Variants in MS4A10 observed in about 807,000 individuals in gnomAD.
The protein encoded by MS4A10 is membrane-spanning 4-domains subfamily A member 10.
A neutral mutation model predicts 27.7 loss-of-function variants in MS4A10; 27 were observed. The ratio of observed to expected loss-of-function variants is 0.98; its 90% CI spans 0.72 to 1.35. The LOEUF (loss-of-function observed/expected upper bound fraction) is 1.35. Among genes scored for constraint, MS4A10 ranks in the 40% most tolerant of loss-of-function variants. MS4A10 has a pLI of 0.00. For missense variants in MS4A10, 338 were observed against 324.7 expected (o/e 1.04, Z -0.32); for synonymous variants, 139 against 131.2 (o/e 1.06, Z -0.41).
At chr11:60,791,190 G>A (rs1325582390) in intron 3 of MS4A10, 97 bp downstream of exon 3, 8 of 1,488,600 alleles carry the variant, frequency 5.4e-6, no homozygotes, top group Non-Finnish European at 9.1e-7. Flanking sequence ...GGGATAGAGA[G>A]AGCTAATAGG....
chr11:60,790,113 G>C (rs949931669), intron 1 of MS4A10, among the ~76,000 whole-genome samples: 6 of 152,104 alleles, frequency 3.9e-5, no homozygotes, highest in Non-Finnish European at 8.8e-5. Context: ...CCCCAGAAAG[G>C]CTGTGAGCAG....
Position 60,795,641 on chromosome 11 carries a change from G to A in MS4A10, c.579G>A (p.Trp193Ter), listed in dbSNP as rs1854515769. 2.5e-6 allele frequency: 4 copies of A among 1,590,666 alleles called. No homozygotes were observed. The highest frequency in any genetic ancestry group is 3.4e-6 in the Non-Finnish European group (4 of 1,168,502). Reference sequence around the variant, plus strand: ...CAGTGCCCACAGCTGTCACAGCCTGGAGAGGGGACTGCCCATCTGCAAAGG... The same window carrying A: ...CAGTGCCCACAGCTGTCACAGCCTGAAGAGGGGACTGCCCATCTGCAAAGG... Reference protein sequence around the residue: ...FLPVPTAVTAWRGDCPSAKND... With the variant: ...FLPVPTAVTA Residue 193 changes from tryptophan (W) to a stop codon, truncating the protein, a stop_gained, in exon 6 of 8, where the codon TGG becomes TGA. Coordinates refer to ENST00000308287, the MANE Select transcript of MS4A10 (RefSeq NM_206893.4). LOFTEE classifies it high-confidence loss of function.
chr11:60,797,192 A>C (rs1854545970), intron 6 of MS4A10, among the ~76,000 whole-genome samples: 1 of 152,164 alleles, frequency 6.6e-6, no homozygotes, highest in Non-Finnish European at 1.5e-5. Context: ...ACTTTTAAGG[A>C]TGGGGAAAAC....
chr11:60,789,467 G>A (rs1565080297), intron 1 of MS4A10, among the ~76,000 whole-genome samples: 2 of 152,180 alleles, frequency 1.3e-5, no homozygotes, highest in Admixed American at 6.5e-5. Context: ...CGTGTGTCCA[G>A]CCCCCTTCTA....
At chr11:60,795,408 TGC>T in intron 5 of MS4A10, 145 bp from the exon 6 acceptor site, 4 of 460,132 alleles carry the variant, frequency 8.7e-6, no homozygotes, top group South Asian at 4.3e-5. Flanking sequence ...AGACCCACCC[TGC>T]CTTCCCCACG....
In MS4A10 at chr11:60,800,013, A is replaced by G. The variant is rs74413514; in HGVS notation, c.*104A>G. On this transcript the variant is annotated 3_prime_UTR_variant, in exon 8 of 8. Coordinates refer to ENST00000308287, the MANE Select transcript of MS4A10 (RefSeq NM_206893.4). ...ATGAGATTTGCACATACAAAAGGCT[A>G]GAGCGATGGTCTATACAGCAAAGTC... 1.6e-3 allele frequency: 2,568 copies of G among 1,578,384 alleles called. 76 individuals carry two copies. The East Asian group carries it at 0.055, about 34-fold the overall frequency.
rs771894477 is a variant in MS4A10, at chr11:60,790,469, A to C, written c.134A>C (p.His45Pro). ...ACCCAGCCCAAGCTCCTGGCTCCAC[A>C]CCAGCACGAGAAGTCCCAGAAGAAG... is the stretch of plus-strand genomic sequence containing the variant. ...NTTQPKLLAPHQHEKSQKKSS... is the reference protein window; with the variant it reads ...NTTQPKLLAPPQHEKSQKKSS... The change falls in exon 2 of 8, where the codon CAC becomes CCC. Residue 45 changes from histidine to proline, a missense_variant. Physicochemically the swap from His to Pro is moderately conservative, Grantham distance 77. Coordinates refer to ENST00000308287, the MANE Select transcript of MS4A10 (RefSeq NM_206893.4). The C allele has an allele frequency of 6.2e-7, 1 of 1,614,102 alleles. No homozygotes were observed. The highest frequency in any genetic ancestry group is 1.1e-5 in the South Asian group (1 of 91,068).
chr11:60,792,192 G>A, intron 3 of MS4A10, 73 bp from the exon 4 acceptor site: 1 of 1,156,928 alleles, frequency 8.6e-7, no homozygotes, highest in Non-Finnish European at 1.3e-6. Flanking sequence ...TGGAGAATAG[G>A]GGTGGGGGTG....
chr11:60,796,472 G>A (rs1430735295), intron 6 of MS4A10, among the ~76,000 whole-genome samples: 1 of 152,118 alleles, frequency 6.6e-6, no homozygotes, highest in East Asian at 1.9e-4. Context: ...TTTAAGTATA[G>A]ATGAGGTTTT....
At chr11:60,789,863 C>A (rs1413855310) in intron 1 of MS4A10, among the ~76,000 whole-genome samples, 1 of 152,166 alleles carries the variant, frequency 6.6e-6, no homozygotes, top group African/African-American at 2.4e-5. Context: ...CCCTTCTCTC[C>A]AGGAGGCATG....
In MS4A10 at chr11:60,792,274, T is replaced by G. The variant is rs117830076; in HGVS notation, c.313T>G (p.Ser105Ala). The change falls in exon 4 of 8, where the codon TCA (serine) becomes GCA (alanine). Residue 105 changes from serine to alanine, a missense_variant. Physicochemically the swap from Ser to Ala is moderately conservative, Grantham distance 99. Coordinates refer to ENST00000308287, the MANE Select transcript of MS4A10 (RefSeq NM_206893.4). ...PFWGAASFLI[S>A]GILAITMKTF... ...CAAATCTGTCCTGCAGTTTCTCATTTCAGGGATCTTGGCGATAACAATGAA... is the reference window on the plus strand; with the variant it reads ...CAAATCTGTCCTGCAGTTTCTCATTGCAGGGATCTTGGCGATAACAATGAA... 2,727 of 1,613,754 alleles carry G rather than the reference T, an allele frequency of 1.7e-3. 4 individuals carry two copies. The highest frequency in any genetic ancestry group is 2.2e-3 in the Non-Finnish European group (2,538 of 1,179,640).
intron 1 of MS4A10, among the ~76,000 whole-genome samples, chr11:60,786,162 T>TGCACACACATGCACACACACACAC (rs1854331633): frequency 1.4e-5 from 2 of 141,476 alleles, no homozygotes; most frequent in Admixed American, 1.4e-4. Context: ...TGCACATGCA[T>TGCACACACATGCACACACACACAC]GCACACACAT....
At chr11:60,786,299 C>T (rs899111110) in intron 1 of MS4A10, among the ~76,000 whole-genome samples, 3 of 152,040 alleles carry the variant, frequency 2.0e-5, no homozygotes, top group African/African-American at 2.4e-5. Flanking sequence ...TCTGCCTGCT[C>T]AGCCACAGAC....
chr11:60,789,517 C>A (rs547324370), intron 1 of MS4A10, among the ~76,000 whole-genome samples: 1 of 152,302 alleles, frequency 6.6e-6, no homozygotes, highest in South Asian at 2.1e-4. Context: ...ATGAGAACAT[C>A]CAGAACATTC....
intron 4 of MS4A10, 29 bp from the exon 5 acceptor site, chr11:60,793,943 C>G: frequency 6.2e-7 from 1 of 1,612,110 alleles, no homozygotes; most frequent in Non-Finnish European, 8.5e-7. Flanking sequence ...ACCCTTTGGA[C>G]AGCTGTTACC....
In MS4A10 at chr11:60,794,987, G is replaced by T. The variant is rs374964119; in HGVS notation, c.493-568G>T. Among the ~76,000 whole-genome samples the T allele has an allele frequency of 1.8e-4, 28 of 152,232 alleles. No homozygotes were observed. In the South Asian group the frequency reaches 2.1e-3, roughly 11 times the overall value. On this transcript the variant is annotated intron_variant, in intron 5 of 7. Coordinates refer to ENST00000308287, the MANE Select transcript of MS4A10 (RefSeq NM_206893.4). ...GGCGTGAGCCACCATGCCCACAAGG[G>T]TTCTGACCATAGTGGTTTGTTATTC...
rs111688654 is a variant in MS4A10, at chr11:60,794,031, C to T, written c.420C>T (p.Phe140=). The change falls in exon 5 of 8, where the codon TTC becomes TTT. Residue 140 remains phenylalanine, a synonymous_variant. Transcript: ENST00000308287. ...TCTTTTGCGTGCTGTCTGGCCTCTT[C>T]GTCATCTCCAAGGATCTCTTTCTGG... ...ISLFCVLSGL[F]VISKDLFLES... 1.7e-5 allele frequency: 28 copies of T among 1,614,018 alleles called. No individual in the cohort carries two copies. The highest frequency in any genetic ancestry group is 1.5e-4 in the African/African-American group (11 of 74,926).
intron 1 of MS4A10, among the ~76,000 whole-genome samples, chr11:60,788,591 C>A (rs953822265): frequency 2.6e-5 from 4 of 152,216 alleles, no homozygotes; most frequent in African/African-American, 9.7e-5. Flanking sequence ...GGCTTGGGAA[C>A]CTTCCCAAGG....
At chr11:60,798,977 T>A (rs960513016) in intron 7 of MS4A10, among the ~76,000 whole-genome samples, 6 of 152,156 alleles carry the variant, frequency 3.9e-5, no homozygotes, top group African/African-American at 7.2e-5. Context: ...CTCAACCTAC[T>A]AAGACATCTC....
Sources: gnomAD v4.1 joint callset for allele counts (sites outside exome capture counted in the v4.1 genomes callset) on GRCh38, gnomAD v4.1.1 for gene constraint, MANE v1.5 for transcripts, NCBI Gene and HGNC (gene_info 2026-07-23, HGNC 2026-07-21) for gene names.